PLAC1: variants seen among roughly 807,000 people sequenced by gnomAD.
PLAC1 encodes the protein placenta associated 1, also known as placenta-specific protein 1.
For missense variants in PLAC1, 136 were observed against 163.2 expected (o/e 0.83, Z 0.91); for synonymous variants, 68 against 62.1 (o/e 1.09, Z -0.44).
At chrX:134,630,797 C>T in intron 1 of PLAC1, among the ~76,000 whole-genome samples, 1 of 111,866 alleles carries the variant, frequency 8.9e-6, no homozygotes, top group East Asian at 2.8e-4. Flanking sequence ...TTATTATTAT[C>T]TACTTTAGAG....
chrX:134,607,958 C>A (rs1331177767), intron 1 of PLAC1, among the ~76,000 whole-genome samples: 1 of 111,863 alleles, frequency 8.9e-6, no homozygotes, highest in Non-Finnish European at 1.9e-5. Flanking sequence ...ACACACTGAG[C>A]AGAGGACCCA....
At chrX:134,675,042 G>A (rs1336034719) in intron 2 of PLAC1, among the ~76,000 whole-genome samples, 1 of 112,104 alleles carries the variant, frequency 8.9e-6, no homozygotes, top group African/African-American at 3.2e-5. Flanking sequence ...AGTATGTGGT[G>A]AACAAGAACA....
At chrX:134,567,344 G>T (rs764614387) in intron 2 of PLAC1, among the ~76,000 whole-genome samples, 1 of 112,405 alleles carries the variant, frequency 8.9e-6, no homozygotes, top group South Asian at 3.7e-4. Flanking sequence ...ATGACCAATA[G>T]AGTCCCTGAT....
intron 2 of PLAC1, among the ~76,000 whole-genome samples, chrX:134,727,429 G>C (rs2078677817): frequency 1.8e-5 from 2 of 111,963 alleles, no homozygotes; most frequent in African/African-American, 3.2e-5. Flanking sequence ...AATAAAGGTT[G>C]CTCCATGAAG....
chrX:134,573,518 G>C (rs1347434737), intron 2 of PLAC1, among the ~76,000 whole-genome samples: 1 of 111,205 alleles, frequency 9.0e-6, no homozygotes, highest in Non-Finnish European at 1.9e-5. Flanking sequence ...TGCCTGAGGT[G>C]ATCTGAAATC....
chrX:134,608,836 C>G (rs753764909), intron 1 of PLAC1, among the ~76,000 whole-genome samples: 1 of 108,907 alleles, frequency 9.2e-6, no homozygotes, highest in Admixed American at 9.8e-5. Context: ...CCACCATGTC[C>G]GGCTAATTTT....
intron 1 of PLAC1, among the ~76,000 whole-genome samples, chrX:134,745,972 T>C (rs2078728188): frequency 1.8e-5 from 2 of 111,892 alleles, no homozygotes; most frequent in Middle Eastern, 9.3e-3. Flanking sequence ...ACACCAGCGT[T>C]AGTTTCAGAG....
intron 2 of PLAC1, among the ~76,000 whole-genome samples, chrX:134,705,019 T>TACACAC (rs1333906225): frequency 6.3e-5 from 6 of 95,884 alleles, no homozygotes; most frequent in African/African-American, 2.7e-4. Context: ...TATATATATA[T>TACACAC]ATACACACAC....
rs186961852 is a variant in PLAC1, at chrX:134,693,723, T to C, written n.174+39712A>G. 1.1e-4 allele frequency among the ~76,000 whole-genome samples: 12 copies of C among 111,169 alleles called. No individual in the cohort carries two copies. In the East Asian group the frequency reaches 1.7e-3, roughly 16 times the overall value. On this transcript the variant is annotated intron_variant and non_coding_transcript_variant, in intron 2 of 2. Coordinates refer to the PLAC1 transcript ENST00000466797. Reference sequence around the variant, plus strand: ...ACAGAGAGCAAGATCATGTAAGCAATTGAAAATTATGTGGGCAATCCTAAC... The same window carrying C: ...ACAGAGAGCAAGATCATGTAAGCAACTGAAAATTATGTGGGCAATCCTAAC...
At position 134,617,525 on chromosome X, in the gene PLAC1, G is replaced by C. The variant is rs887984736; in HGVS notation, c.-130-15403C>G. Among the ~76,000 whole-genome samples, 11 of 111,893 alleles carry C rather than the reference G, an allele frequency of 9.8e-5. No homozygotes were observed. The Admixed American group carries it at 1.0e-3, about 11-fold the overall frequency. On this transcript the variant is annotated intron_variant, in intron 1 of 2. Transcript: ENST00000359237. ...TCCTTCTATACTTAATTTGTTGAGA[G>C]TTTGTATCAACAAAGGATGTTGAAC...
intron 1 of PLAC1, among the ~76,000 whole-genome samples, chrX:134,625,000 GA>G (rs1334494192): frequency 1.8e-5 from 2 of 111,640 alleles, no homozygotes; most frequent in Non-Finnish European, 3.8e-5. Flanking sequence ...ACTACAGCTA[GA>G]CTCAAACAGA....
intron 2 of PLAC1, among the ~76,000 whole-genome samples, chrX:134,586,702 A>C (rs1602803295): frequency 1.2e-5 from 1 of 81,772 alleles, no homozygotes. Context: ...ATGGAGCCTC[A>C]CTCTGTCACC....
At chrX:134,732,732 C>T (rs1310504040) in intron 2 of PLAC1, among the ~76,000 whole-genome samples, 2 of 112,236 alleles carry the variant, frequency 1.8e-5, no homozygotes, top group African/African-American at 3.2e-5. Flanking sequence ...GAGTCAGGAA[C>T]GGATCCTACC....
intron 2 of PLAC1, among the ~76,000 whole-genome samples, chrX:134,688,711 T>C (rs1275728621): frequency 1.8e-5 from 2 of 112,292 alleles, no homozygotes; most frequent in Non-Finnish European, 3.8e-5. Context: ...AATTTCTTTA[T>C]GAAAACAATA....
intron 2 of PLAC1, among the ~76,000 whole-genome samples, chrX:134,683,628 G>A (rs1308335608): frequency 8.9e-6 from 1 of 112,142 alleles, no homozygotes; most frequent in African/African-American, 3.2e-5. Flanking sequence ...TAAAGTCAGG[G>A]ATGTGGTTCT....
At chrX:134,644,403 C>G (rs938407917) in intron 1 of PLAC1, among the ~76,000 whole-genome samples, 2 of 110,985 alleles carry the variant, frequency 1.8e-5, no homozygotes, top group African/African-American at 3.3e-5. Flanking sequence ...CTCTTCTTGA[C>G]TTCCATTTTT....
intron 1 of PLAC1, among the ~76,000 whole-genome samples, chrX:134,623,265 A>G (rs1272344816): frequency 8.9e-6 from 1 of 112,304 alleles, no homozygotes; most frequent in Non-Finnish European, 1.9e-5. Context: ...ATTCCAGAGC[A>G]GATACAAGTT....
intron 1 of PLAC1, chrX:134,733,565 A>C (rs772613344): frequency 1.8e-5 from 2 of 111,772 alleles, no homozygotes; most frequent in African/African-American, 6.5e-5. Flanking sequence ...ATGGACGCAC[A>C]GGCAGTATGT....
At chrX:134,572,005 C>T (rs2077910480) in intron 2 of PLAC1, among the ~76,000 whole-genome samples, 2 of 111,540 alleles carry the variant, frequency 1.8e-5, no homozygotes, top group Non-Finnish European at 3.8e-5. Flanking sequence ...GTTGTCAAAA[C>T]AAAAGGAAAC....
Sources: gnomAD v4.1 joint callset for allele counts (sites outside exome capture counted in the v4.1 genomes callset) on GRCh38, gnomAD v4.1.1 for gene constraint, MANE v1.5 for transcripts, NCBI Gene and HGNC (gene_info 2026-07-23, HGNC 2026-07-21) for gene names.